The following STRA6 variants were observed in gnomAD, a reference collection of about 807,000 sequenced individuals.
STRA6 encodes signaling receptor and transporter of retinol STRA6, also known as receptor for retinol uptake STRA6.
Under a neutral mutation model 83.6 loss-of-function variants are expected in STRA6, and 48 were observed. That is an observed-to-expected ratio of 0.57 (90% CI 0.46 to 0.73). The LOEUF (loss-of-function observed/expected upper bound fraction) is 0.73, where lower values mean the gene tolerates loss of function less well. Among genes scored for constraint, STRA6 ranks in the 30% least tolerant of loss-of-function variants. The pLI, the probability that STRA6 is intolerant of heterozygous loss-of-function variation, is 0.00. For missense variants in STRA6, 760 were observed against 838.8 expected, an observed-to-expected ratio of 0.91 and a Z score of 1.16; for synonymous variants, 353 against 362.3, an observed-to-expected ratio of 0.97 and a Z score of 0.29.
At chr15:74,191,099 T>C (rs192368829) in intron 10 of STRA6, 68 bp downstream of exon 10, 91 of 1,592,766 alleles carry the variant, frequency 5.7e-5, no homozygotes, top group African/African-American at 8.1e-5. Flanking sequence ...AGTCCTCCAC[T>C]GCAGCCATTC....
chr15:74,209,621 T>C (rs1463855943), upstream of STRA6: 1 of 611,842 alleles, frequency 1.6e-6, no homozygotes, highest in East Asian at 2.8e-5. Context: ...GCTGGGGTTC[T>C]GGAGTCCTGC....
chr15:74,195,626 C>T, intron 6 of STRA6, 26 bp downstream of exon 6: 2 of 1,546,510 alleles, frequency 1.3e-6, no homozygotes, highest in East Asian at 2.4e-5. Flanking sequence ...TGACTAGTCT[C>T]AACTCTGTGA....
chr15:74,197,534 C>T, intron 3 of STRA6, 111 bp from the exon 4 acceptor site: 1 of 1,117,570 alleles, frequency 8.9e-7, no homozygotes, highest in Non-Finnish European at 1.3e-6. Context: ...CCAGTGCACA[C>T]TCATGTGACA....
upstream of STRA6, among the ~76,000 whole-genome samples, chr15:74,204,524 A>G (rs2074212037): frequency 6.6e-6 from 1 of 152,198 alleles, no homozygotes; most frequent in Non-Finnish European, 1.5e-5. Context: ...GGGAGCAGCC[A>G]ACTCCCATCT....
At chr15:74,200,160 C>T (rs1363942834) in intron 2 of STRA6, among the ~76,000 whole-genome samples, 1 of 152,220 alleles carries the variant, frequency 6.6e-6, no homozygotes, top group East Asian at 1.9e-4. Context: ...GCGGAGGTTG[C>T]AGTGAGCCAA....
In STRA6 at chr15:74,180,104, C is replaced by G; in HGVS notation, c.1980G>C (p.Leu660Phe). Reference protein sequence around the residue: ...TLQVFRKTALLGANGAQP With the variant: ...TLQVFRKTALFGANGAQP ...CTCAGGGCTGGGCACCATTGGCACCCAACAGGGCCGTCTTGCGGAAGACCT... is the reference window on the plus strand; with the variant it reads ...CTCAGGGCTGGGCACCATTGGCACCGAACAGGGCCGTCTTGCGGAAGACCT... Residue 660 changes from leucine to phenylalanine, a missense_variant, in exon 19 of 19, where the codon TTG becomes TTC. Coordinates refer to ENST00000395105, the MANE Select transcript of STRA6 (RefSeq NM_022369.4). 3.7e-6 allele frequency: 6 copies of G among 1,613,574 alleles called. No individual in the cohort carries two copies. The highest frequency in any genetic ancestry group is 5.1e-6 in the Non-Finnish European group (6 of 1,179,622).
chr15:74,211,142 C>G (rs182343625), upstream of STRA6, among the ~76,000 whole-genome samples: 1 of 52,780 alleles, frequency 1.9e-5, no homozygotes, highest in Non-Finnish European at 4.2e-5. Context: ...CCCACCACTA[C>G]GCACGCACAC....
chr15:74,206,578 C>G (rs1034236509), upstream of STRA6, among the ~76,000 whole-genome samples: 1 of 152,174 alleles, frequency 6.6e-6, no homozygotes, highest in African/African-American at 2.4e-5. Flanking sequence ...CCAGGAAGGC[C>G]CAGCCCTGCC....
rs776814085 is a variant in STRA6, at chr15:74,181,397, C to T, written c.1582G>A (p.Val528Met). Residue 528 changes from valine to methionine, a missense_variant, in exon 17 of 19, where the codon GTG (valine) becomes ATG (methionine). Val to Met is a conservative substitution (Grantham distance 21). Transcript: ENST00000395105. ...GAGAGGAGCACTCGCCAGGTGGCCACCATGGCACCCACCAGCACATTGAGG... is the reference window on the plus strand; with the variant it reads ...GAGAGGAGCACTCGCCAGGTGGCCATCATGGCACCCACCAGCACATTGAGG... ...FPLNVLVGAM[V>M]ATWRVLLSAL... 5.6e-6 allele frequency: 9 copies of T among 1,613,268 alleles called. No homozygotes were observed. The African/African-American group carries it at 1.2e-4, about 22-fold the overall frequency.
At chr15:74,204,717 G>A (rs2074219105), upstream of STRA6, among the ~76,000 whole-genome samples, 1 of 152,184 alleles carries the variant, frequency 6.6e-6, no homozygotes, top group African/African-American at 2.4e-5. Context: ...TGGATCACCT[G>A]AGGTCAGGAG....
At position 74,188,367 on chromosome 15, in the gene STRA6, G is replaced by A. The variant is rs1457411254; in HGVS notation, c.1090+748C>T. Among the ~76,000 whole-genome samples, 1 of 152,266 alleles carries A rather than the reference G, an allele frequency of 6.6e-6. No homozygotes were observed. The highest frequency in any genetic ancestry group is 2.4e-5 in the African/African-American group (1 of 41,480). On this transcript the variant is annotated intron_variant, in intron 12 of 18. Transcript: ENST00000395105. This position sits in a 1 kb window ranked among gnomAD's most constrained non-coding sequence, Gnocchi z 4.5. The stretch of plus-strand genomic sequence containing the variant: ...CCAGCCTGGGGTCCCCAAGTAAGCA[G>A]AAGGCGCATGCCTCCTGAGTCCTCA...
rs1485876136 is a variant in STRA6 at position 74,180,825 on chromosome 15, C to G, written c.1797G>C (p.Met599Ile). 6.2e-7 allele frequency: 1 copy of G among 1,613,666 alleles called. No individual in the cohort carries two copies. Among genetic ancestry groups the G allele is most frequent in the South Asian group, 1.1e-5 (1 of 91,068 alleles). ...LQAQSLLPRT[M>I]AAPQDSLRPG... The stretch of plus-strand genomic sequence containing the variant: ...GTCTGAGGCTGTCCTGGGGGGCTGC[C>G]ATGGTCCTGGGTAGGAGGCTCTGCG... The change falls in exon 18 of 19, where the codon ATG becomes ATC. Residue 599 changes from methionine (M) to isoleucine (I), a missense_variant. By Grantham distance (10) the Met-to-Ile change is conservative. Transcript: ENST00000395105.
intron 4 of STRA6, among the ~76,000 whole-genome samples, chr15:74,197,031 A>G (rs1437653589): frequency 1.3e-5 from 2 of 152,188 alleles, no homozygotes; most frequent in African/African-American, 4.8e-5. Flanking sequence ...GGTCACGTCA[A>G]TCCACACATG....
chr15:74,180,819 G>A lies in STRA6; in HGVS notation c.1803C>T (p.Ala601=), dbSNP rs2277607. 1.7e-4 allele frequency: 267 copies of A among 1,613,670 alleles called. No individual in the cohort carries two copies. The East Asian group carries it at 5.8e-3, about 35-fold the overall frequency. The stretch of plus-strand genomic sequence containing the variant: ...CCCCTGGTCTGAGGCTGTCCTGGGG[G>A]GCTGCCATGGTCCTGGGTAGGAGGC... ...AQSLLPRTMA[A]PQDSLRPGEE... Residue 601 remains alanine, a synonymous_variant, in exon 18 of 19, where the codon GCC becomes GCT. Coordinates refer to ENST00000395105, the MANE Select transcript of STRA6 (RefSeq NM_022369.4).
At chr15:74,189,383 C>A in intron 11 of STRA6, 106 bp from the exon 12 acceptor site, 1 of 1,461,040 alleles carries the variant, frequency 6.8e-7, no homozygotes. Flanking sequence ...CAGCCACATG[C>A]CCATTGCCCA....
intron 1 of STRA6, 184 bp downstream of exon 1, chr15:74,202,527 GTC>G: frequency 3.3e-6 from 5 of 1,506,264 alleles, no homozygotes; most frequent in Non-Finnish European, 4.4e-6. Context: ...CATCGCACTG[GTC>G]CTGCAGAGAT....
At chr15:74,183,583 G>T in intron 14 of STRA6, 1 of 1,309,012 alleles carries the variant, frequency 7.6e-7, no homozygotes, top group Non-Finnish European at 9.8e-7. Context: ...CCAGACCTGG[G>T]TCCACCCCCA....
chr15:74,179,973 G>GGCT lies in STRA6; in HGVS notation c.*104_*106dup. 6.9e-7 allele frequency: 1 copy of GGCT among 1,458,960 alleles called. No individual in the cohort carries two copies. The highest frequency in any genetic ancestry group is 9.4e-7 in the Non-Finnish European group (1 of 1,062,002). The allele number at this position is 1,458,960 out of a possible 1,614,324, so 90.4% of individuals were successfully genotyped here. On this transcript the variant is annotated 3_prime_UTR_variant, in exon 19 of 19. Coordinates refer to ENST00000395105, the MANE Select transcript of STRA6 (RefSeq NM_022369.4). ...ACCACAGTGATCCGGAGGACCTGCT[G>GGCT]GCTGCATGGCTGGTGTGATGCTGGG...
intron 8 of STRA6, among the ~76,000 whole-genome samples, chr15:74,193,383 A>G (rs905739440): frequency 6.6e-6 from 1 of 152,116 alleles, no homozygotes; most frequent in Non-Finnish European, 1.5e-5. Flanking sequence ...AAATTATTCA[A>G]CCACATCCAA....
Sources: gnomAD v4.1 joint callset for allele counts (sites outside exome capture counted in the v4.1 genomes callset) on GRCh38, gnomAD v4.1.1 for gene constraint, Gnocchi (gnomAD v3.1) non-coding constraint, MANE v1.5 for transcripts, NCBI Gene and HGNC (gene_info 2026-07-23, HGNC 2026-07-21) for gene names.